REEP5: variants seen among roughly 807,000 people sequenced by gnomAD.
The protein encoded by REEP5 is receptor expression-enhancing protein 5.
In REEP5, 24 loss-of-function variants were observed where a neutral mutation model predicts 22.4. The observed-to-expected ratio is 1.07, with a 90% CI of 0.78 to 1.51. The LOEUF (loss-of-function observed/expected upper bound fraction) is 1.51. REEP5 is among the 40% of genes most tolerant of loss of function. The pLI, the probability that REEP5 is intolerant of heterozygous loss-of-function variation, is 0.00. For synonymous variants in REEP5, 103 were observed against 88.6 expected (o/e 1.16, Z -0.92); for missense variants, 252 against 233.0 (o/e 1.08, Z -0.53).
intron 2 of REEP5, among the ~76,000 whole-genome samples, chr5:112,908,486 A>C (rs1351120372): frequency 4.6e-5 from 7 of 152,114 alleles, no homozygotes; most frequent in Non-Finnish European, 7.4e-5. Context: ...ACTAAAGTGA[A>C]CATCAGCTAT....
rs1279440666 is a variant in REEP5 at position 112,878,920 on chromosome 5, C to G, written c.521-85G>C. ...CTTGCAAGCTTTGTGCCTAATGTAGCTACTAGATAACAAAACTTGGATGAC... is the reference window on the plus strand; with the variant it reads ...CTTGCAAGCTTTGTGCCTAATGTAGGTACTAGATAACAAAACTTGGATGAC... On this transcript the variant is annotated intron_variant, in intron 4 of 4. Transcript: ENST00000379638. 3.7e-6 allele frequency: 6 copies of G among 1,600,114 alleles called. No homozygotes were observed. In the African/African-American group the frequency reaches 5.4e-5, roughly 14 times the overall value.
chr5:112,879,027 C>G (rs554115752), intron 4 of REEP5, among the ~76,000 whole-genome samples, 192 bp from the exon 5 acceptor site: 5 of 151,922 alleles, frequency 3.3e-5, no homozygotes, highest in Admixed American at 1.3e-4. Flanking sequence ...CCTCTTAGAG[C>G]ACAAATCCTA....
At chr5:112,919,023 T>C (rs1769290393) in intron 2 of REEP5, among the ~76,000 whole-genome samples, 1 of 152,248 alleles carries the variant, frequency 6.6e-6, no homozygotes. Context: ...TCTAAAGTGC[T>C]ACCACAGTGC....
In REEP5 at chr5:112,891,456, A is replaced by C. The variant is rs1580736772; in HGVS notation, c.352-4273T>G. 12 of 680,280 alleles carry C rather than the reference A, an allele frequency of 1.8e-5. No individual in the cohort carries two copies. The East Asian group carries it at 4.4e-4, about 25-fold the overall frequency. 42.1% of individuals were successfully genotyped at this position (680,280 alleles called of 1,614,324 possible). The stretch of plus-strand genomic sequence containing the variant: ...TATACTTAATTACAAAAAAAGTCTA[A>C]CTGCAATATAAAGGAGAAACAAAAT... On this transcript the variant is annotated intron_variant, in intron 3 of 4. Transcript: ENST00000379638.
At position 112,921,147 on chromosome 5, in the gene REEP5, AG is replaced by A. The variant is rs756758242; in HGVS notation, c.212+15del. 2.5e-6 allele frequency: 4 copies of A among 1,612,850 alleles called. No individual in the cohort carries two copies. The highest frequency in any genetic ancestry group is 1.7e-5 in the Admixed American group (1 of 59,950). ...TGGAGGAAGGGAAGGGGACGGCTGC[AG>A]GGTGTGTCACTTACGAGATGTAGGC... On this transcript the variant is annotated intron_variant, in intron 2 of 4. Coordinates refer to ENST00000379638, the MANE Select transcript of REEP5 (RefSeq NM_005669.5).
rs367616525 is a variant in REEP5, at chr5:112,909,418, CTTTG to C, written c.213-6904_213-6901del. Reference sequence around the variant, plus strand: ...GAGAGAGATAAGAAGACTCTAGTTTCTTTGTTTAAGTAGCTGTCAGAGGGTTTAT... The same window carrying C: ...GAGAGAGATAAGAAGACTCTAGTTTCTTTAAGTAGCTGTCAGAGGGTTTAT... On this transcript the variant is annotated intron_variant, in intron 2 of 4. Coordinates refer to ENST00000379638, the MANE Select transcript of REEP5 (RefSeq NM_005669.5). Among the ~76,000 whole-genome samples, 641 of 151,746 alleles carry C rather than the reference CTTTG, an allele frequency of 4.2e-3. 2 individuals carry two copies. Among genetic ancestry groups the C allele is most frequent in the African/African-American group, 0.014 (589 of 41,352 alleles).
chr5:112,902,410 C>T lies in REEP5; in HGVS notation c.321G>A (p.Leu107=). Residue 107 remains leucine, a synonymous_variant, in exon 3 of 5, where the codon CTG becomes CTA. Transcript: ENST00000379638. ...GCATGTAGTAGAAGGGGAACCATGA[C>T]AGGAAGATATCAGAGAAGAATTCAG... ...SIAEFFSDIF[L]SWFPFYYMLK... 6.2e-7 allele frequency: 1 copy of T among 1,612,740 alleles called. No homozygotes were observed. The highest frequency in any genetic ancestry group is 8.5e-7 in the Non-Finnish European group (1 of 1,179,590).
intron 1 of REEP5, chr5:112,921,850 C>G: frequency 2.3e-6 from 1 of 443,188 alleles, no homozygotes; most frequent in Non-Finnish European, 3.9e-6. Flanking sequence ...CGCCCGGCGC[C>G]GCAGCTGCCC....
Position 112,887,660 on chromosome 5 carries a change from C to T in REEP5, c.352-477G>A, listed in dbSNP as rs186110959. ...AAAATACCTTGTCCATTCCTGAATT[C>T]TTCCTTTGGTGGACCTCAGTTTTGG... On this transcript the variant is annotated intron_variant, in intron 3 of 4. Transcript: ENST00000379638. Among the ~76,000 whole-genome samples the T allele has an allele frequency of 2.3e-3, 350 of 152,266 alleles. 1 individual carries two copies. Among genetic ancestry groups the T allele is most frequent in the African/African-American group, 7.9e-3 (329 of 41,554 alleles).
intron 3 of REEP5, chr5:112,896,369 C>G (rs1393484139): frequency 2.0e-5 from 3 of 151,684 alleles, no homozygotes; most frequent in East Asian, 2.0e-4. Flanking sequence ...ACTAAAAATA[C>G]AAAATTTGCC....
chr5:112,914,664 A>C (rs149193), intron 2 of REEP5, among the ~76,000 whole-genome samples: 86,393 of 152,082 alleles, frequency 0.57, 27,366 homozygotes, highest in African/African-American at 0.87. Context: ...ATCTCAAGTA[A>C]CCTCACAACT....
intron 2 of REEP5, among the ~76,000 whole-genome samples, chr5:112,919,421 G>A (rs192164957): frequency 0.013 from 1,920 of 151,624 alleles, 25 homozygotes; most frequent in Non-Finnish European, 0.013. Flanking sequence ...GGTGGCACAC[G>A]CCTGTAATCC....
intron 2 of REEP5, among the ~76,000 whole-genome samples, chr5:112,919,654 C>G (rs1769307718): frequency 6.6e-6 from 1 of 152,190 alleles, no homozygotes; most frequent in Non-Finnish European, 1.5e-5. Flanking sequence ...CCAGTTGACC[C>G]TTCTACCATG....
rs574014893 is a variant in REEP5 at position 112,916,727 on chromosome 5, A to G, written c.212+4436T>C. Among the ~76,000 whole-genome samples, 13 of 152,348 alleles carry G rather than the reference A, an allele frequency of 8.5e-5. 1 individual carries two copies. In the South Asian group the frequency reaches 2.7e-3, roughly 32 times the overall value. The stretch of plus-strand genomic sequence containing the variant: ...ACAAGGGAGGTAGCATAACGTAATC[A>G]TTAAAAGCATGAAATTTGGAGCCAG... On this transcript the variant is annotated intron_variant, in intron 2 of 4. Coordinates refer to ENST00000379638, the MANE Select transcript of REEP5 (RefSeq NM_005669.5).
At chr5:112,899,262 G>GT (rs35060737) in intron 3 of REEP5, among the ~76,000 whole-genome samples, 2,821 of 144,540 alleles carry the variant, frequency 0.02, 79 homozygotes, top group African/African-American at 0.061. Flanking sequence ...TTGGTTTTCG[G>GT]TTTTTTTTTT....
intron 4 of REEP5, chr5:112,885,478 T>C (rs1768215177): frequency 5.1e-6 from 1 of 195,530 alleles, no homozygotes; most frequent in Non-Finnish European, 1.1e-5. Context: ...TCCATCTATT[T>C]GATGCTTGAC....
chr5:112,887,437 C>T lies in REEP5; in HGVS notation c.352-254G>A, dbSNP rs1768292629. Among the ~76,000 whole-genome samples, 3 of 152,202 alleles carry T rather than the reference C, an allele frequency of 2.0e-5. No individual in the cohort carries two copies. The South Asian group carries it at 6.2e-4, about 32-fold the overall frequency. On this transcript the variant is annotated intron_variant, in intron 3 of 4. Transcript: ENST00000379638. ...ACACCAGGTCCAGGAGCTTAACTAT[C>T]TTCCTAACTTGGACCACGTTTTAGT...
chr5:112,899,319 T>C (rs1199257955), intron 3 of REEP5, among the ~76,000 whole-genome samples: 3 of 151,912 alleles, frequency 2.0e-5, no homozygotes, highest in African/African-American at 7.3e-5. Context: ...TTTTTAAATT[T>C]GTGTGTGTGG....
At chr5:112,897,351 T>TCACACACACACACACACA (rs34612314) in intron 3 of REEP5, 2 of 97,790 alleles carry the variant, frequency 2.0e-5, no homozygotes, top group Non-Finnish European at 4.2e-5. Flanking sequence ...ACACATCCCA[T>TCACACACACACACACACA]CACACACACA....
Sources: gnomAD v4.1 joint callset for allele counts (sites outside exome capture counted in the v4.1 genomes callset) on GRCh38, gnomAD v4.1.1 for gene constraint, MANE v1.5 for transcripts, NCBI Gene and HGNC (gene_info 2026-07-23, HGNC 2026-07-21) for gene names.